The following DNAJC1 variants were observed in gnomAD, a reference collection of about 807,000 sequenced individuals.
The protein encoded by DNAJC1 is dnaJ homolog subfamily C member 1.
A neutral mutation model predicts 76.6 loss-of-function variants in DNAJC1; 58 were observed. The observed-to-expected ratio is 0.76, with a 90% CI of 0.61 to 0.94. DNAJC1 has a LOEUF of 0.94. Ranked by LOEUF, DNAJC1 falls within the 40% of genes least tolerant of loss-of-function variation. The probability of loss-of-function intolerance (pLI) is 0.00; values close to 1 mark genes in which losing one functional copy is unlikely to be tolerated. For synonymous variants in DNAJC1, 258 were observed against 267.9 expected (o/e 0.96, Z 0.36); for missense variants, 689 against 677.3 (o/e 1.02, Z -0.19).
At chr10:21,894,540 C>T (rs1226916284) in intron 7 of DNAJC1, among the ~76,000 whole-genome samples, 1 of 152,118 alleles carries the variant, frequency 6.6e-6, no homozygotes, top group Non-Finnish European at 1.5e-5. Flanking sequence ...GATTGCACTC[C>T]AGCCTGGGCA....
rs1488566761 is a variant in DNAJC1 at position 21,939,719 on chromosome 10, T to C, written c.223-10578A>G. ...CCATGATGCTGGAACAACTACAAAA[T>C]TGCCTAACGATGCATTTCTCGAAAT... On this transcript the variant is annotated intron_variant, in intron 1 of 11. Coordinates refer to ENST00000376980, the MANE Select transcript of DNAJC1 (RefSeq NM_022365.4). 2.0e-5 allele frequency among the ~76,000 whole-genome samples: 3 copies of C among 152,084 alleles called. No homozygotes were observed. In the East Asian group the frequency reaches 5.8e-4, roughly 29 times the overall value.
chr10:21,801,352 G>A (rs11012789), intron 9 of DNAJC1, among the ~76,000 whole-genome samples: 5,900 of 152,010 alleles, frequency 0.039, 387 homozygotes, highest in African/African-American at 0.13. Context: ...TTCAAAAGAA[G>A]ACATACATGC....
chr10:21,760,329 G>T (rs1834226771), intron 10 of DNAJC1, among the ~76,000 whole-genome samples: 1 of 152,152 alleles, frequency 6.6e-6, no homozygotes, highest in African/African-American at 2.4e-5. Context: ...CTTTTAATAG[G>T]ACAGAATAGA....
chr10:21,849,747 A>G (rs768119783), intron 8 of DNAJC1, among the ~76,000 whole-genome samples: 2 of 152,200 alleles, frequency 1.3e-5, no homozygotes, highest in African/African-American at 2.4e-5. Context: ...CGAAAAGTGT[A>G]TGAAAACAAT....
chr10:22,003,373 G>T lies in DNAJC1; in HGVS notation c.62C>A (p.Pro21Gln). The T allele has an allele frequency of 7.2e-7, 1 of 1,388,324 alleles. No individual in the cohort carries two copies. The highest frequency in any genetic ancestry group is 1.8e-5 in the South Asian group (1 of 56,562). The allele number at this position is 1,388,324 out of a possible 1,614,324, so 86.0% of individuals were successfully genotyped here. The change falls in exon 1 of 12, where the codon CCG becomes CAG. Residue 21 changes from proline (P) to glutamine (Q), a missense_variant. Physicochemically the swap from Pro to Gln is moderately conservative, Grantham distance 76. Transcript: ENST00000376980. ...LPGRRQLGLV[P>Q]FPPPPPRTPL... ...CGTCCGCGGCGGCGGCGGCGGGAAC[G>T]GCACCAGCCCGAGCTGGCGGCGTCC...
At position 21,769,122 on chromosome 10, in the gene DNAJC1, C is replaced by A. The variant is rs188826705; in HGVS notation, c.1099-2813G>T. On this transcript the variant is annotated intron_variant, in intron 9 of 11. Transcript: ENST00000376980. Reference sequence around the variant, plus strand: ...TAGAAGTGTTCCTCAACATTCTACCCTTGCCATTCATGTTCTTTCCACTTT... The same window carrying A: ...TAGAAGTGTTCCTCAACATTCTACCATTGCCATTCATGTTCTTTCCACTTT... Among the ~76,000 whole-genome samples, 7 of 152,274 alleles carry A rather than the reference C, an allele frequency of 4.6e-5. No homozygotes were observed. In the East Asian group the frequency reaches 1.4e-3, roughly 29 times the overall value.
chr10:21,903,926 G>A (rs1445769700), intron 7 of DNAJC1, among the ~76,000 whole-genome samples: 2 of 152,172 alleles, frequency 1.3e-5, no homozygotes, highest in Admixed American at 6.5e-5. Flanking sequence ...ATGTGTGGGA[G>A]CCAAGATGTA....
At chr10:22,003,181 C>G in intron 1 of DNAJC1, 32 bp downstream of exon 1, 3 of 1,482,480 alleles carry the variant, frequency 2.0e-6, no homozygotes, top group Non-Finnish European at 2.7e-6. Context: ...CCTGGCCCCT[C>G]TCCGCCCGGC....
chr10:21,840,076 A>G (rs1275586200), intron 8 of DNAJC1, among the ~76,000 whole-genome samples: 2 of 152,230 alleles, frequency 1.3e-5, no homozygotes, highest in Non-Finnish European at 2.9e-5. Flanking sequence ...AACTCTCAAT[A>G]AATTAGGTAT....
intron 8 of DNAJC1, among the ~76,000 whole-genome samples, chr10:21,820,113 C>G (rs1428178296): frequency 1.3e-5 from 2 of 152,144 alleles, no homozygotes; most frequent in African/African-American, 4.8e-5. Flanking sequence ...CTGCTTCAGT[C>G]CCTAGGCAAC....
At chr10:21,780,777 T>G (rs1834518272) in intron 9 of DNAJC1, among the ~76,000 whole-genome samples, 1 of 152,006 alleles carries the variant, frequency 6.6e-6, no homozygotes, top group African/African-American at 2.4e-5. Flanking sequence ...GGCTAAATGC[T>G]CCAATTAAAA....
At chr10:21,874,947 C>T (rs1836160496) in intron 8 of DNAJC1, among the ~76,000 whole-genome samples, 1 of 152,102 alleles carries the variant, frequency 6.6e-6, no homozygotes, top group Admixed American at 6.5e-5. Flanking sequence ...GTGGTGTGAT[C>T]TTGGCTCACT....
chr10:21,843,155 G>A (rs1191075569), intron 8 of DNAJC1, among the ~76,000 whole-genome samples: 1 of 152,070 alleles, frequency 6.6e-6, no homozygotes, highest in Non-Finnish European at 1.5e-5. Context: ...TGAAATTTAA[G>A]TTGGAATTAG....
At chr10:21,995,999 A>G (rs866508809) in intron 1 of DNAJC1, among the ~76,000 whole-genome samples, 16 of 152,212 alleles carry the variant, frequency 1.1e-4, no homozygotes, top group South Asian at 2.1e-4. Context: ...ACATGTAATC[A>G]TATTTTTACA....
intron 8 of DNAJC1, among the ~76,000 whole-genome samples, chr10:21,837,321 C>A (rs945998424): frequency 6.6e-6 from 1 of 152,226 alleles, no homozygotes; most frequent in Non-Finnish European, 1.5e-5. Flanking sequence ...GCAGCCTCTG[C>A]CCGGCCGCCA....
At chr10:21,901,344 C>CTT (rs2131741676) in intron 7 of DNAJC1, among the ~76,000 whole-genome samples, 1 of 152,194 alleles carries the variant, frequency 6.6e-6, no homozygotes, top group Non-Finnish European at 1.5e-5. Context: ...TCAAACATGT[C>CTT]TTTTTCTCAT....
At chr10:21,895,197 T>C (rs1057268563) in intron 7 of DNAJC1, among the ~76,000 whole-genome samples, 6 of 152,126 alleles carry the variant, frequency 3.9e-5, no homozygotes, top group Non-Finnish European at 7.4e-5. Context: ...ATGTTTCCAG[T>C]GAGAGCTCTG....
At chr10:21,872,867 G>A (rs547258663) in intron 8 of DNAJC1, among the ~76,000 whole-genome samples, 1 of 152,204 alleles carries the variant, frequency 6.6e-6, no homozygotes, top group East Asian at 1.9e-4. Flanking sequence ...CCCTCATATT[G>A]TCTTACACCC....
chr10:21,898,553 T>C (rs1428972208), intron 7 of DNAJC1, among the ~76,000 whole-genome samples: 1 of 144,594 alleles, frequency 6.9e-6, no homozygotes. Flanking sequence ...ATACTATACT[T>C]TTTTTTTTTT....
Sources: allele counts gnomAD v4.1 joint callset (sites outside exome capture counted in the v4.1 genomes callset), GRCh38; gene constraint gnomAD v4.1.1; transcripts MANE v1.5; gene names NCBI Gene and HGNC (gene_info 2026-07-23, HGNC 2026-07-21).